The following ANGPTL6 variants were observed in gnomAD, a reference collection of about 807,000 sequenced individuals.
ANGPTL6 encodes angiopoietin-related protein 6.
A neutral mutation model predicts 47.4 loss-of-function variants in ANGPTL6; 45 were observed. The ratio of observed to expected loss-of-function variants is 0.95; its 90% CI spans 0.75 to 1.22. The LOEUF is 1.22. Ranked by LOEUF, ANGPTL6 falls within the 50% of genes most tolerant of loss-of-function variation. ANGPTL6 has a pLI of 0.00. For missense variants in ANGPTL6, 698 were observed against 669.4 expected (o/e 1.04, Z -0.47); for synonymous variants, 290 against 295.9 (o/e 0.98, Z 0.20).
chr19:10,100,739 G>T (rs549294333), intron 1 of ANGPTL6, among the ~76,000 whole-genome samples: 3 of 152,218 alleles, frequency 2.0e-5, no homozygotes, highest in Non-Finnish European at 4.4e-5. Flanking sequence ...CAAGTTGGGA[G>T]AACAGAGAAA....
upstream of ANGPTL6, among the ~76,000 whole-genome samples, chr19:10,103,337 G>A (rs993565477): frequency 4.6e-5 from 7 of 151,746 alleles, no homozygotes; most frequent in African/African-American, 1.7e-4. Flanking sequence ...ATGCCTGAAA[G>A]CCAGCACTTT....
intron 2 of ANGPTL6, 120 bp downstream of exon 2, chr19:10,095,862 G>A: frequency 1.7e-6 from 1 of 574,048 alleles, no homozygotes; most frequent in Non-Finnish European, 2.6e-6. Context: ...ACCAGAAGGG[G>A]CGAGTAGGAA....
In ANGPTL6 at chr19:10,093,431, G is replaced by T; in HGVS notation, c.1140C>A (p.Tyr380Ter). 2 of 1,614,182 alleles carry T rather than the reference G, an allele frequency of 1.2e-6. No homozygotes were observed. Among genetic ancestry groups the T allele is most frequent in the Non-Finnish European group, 8.5e-7 (1 of 1,180,048 alleles). Residue 380 changes from tyrosine to a stop codon, truncating the protein, a stop_gained, in exon 5 of 6, where the codon TAC (tyrosine) becomes TAA (stop). Coordinates refer to ENST00000253109, the MANE Select transcript of ANGPTL6 (RefSeq NM_031917.3). LOFTEE classifies it high-confidence loss of function. ...SDHYRLRLGQ[Y>*]HGDAGDSLSW... Reference sequence around the variant, plus strand: ...AAAGAGAGTCTCCAGCATCACCATGGTACTGGCCAAGCCGCAGGCGGTAGT... The same window carrying T: ...AAAGAGAGTCTCCAGCATCACCATGTTACTGGCCAAGCCGCAGGCGGTAGT...
intron 2 of ANGPTL6, 123 bp from the exon 3 acceptor site, chr19:10,095,061 G>A (rs1457675682): frequency 1.9e-6 from 2 of 1,033,190 alleles, no homozygotes; most frequent in Non-Finnish European, 2.7e-6. Context: ...CTGGCAGTGG[G>A]GGTGTCCCAG....
At chr19:10,097,132 G>C (rs187334988) in intron 1 of ANGPTL6, among the ~76,000 whole-genome samples, 1 of 152,196 alleles carries the variant, frequency 6.6e-6, no homozygotes, top group African/African-American at 2.4e-5. Flanking sequence ...CAAGGCTTAT[G>C]GGGCCGTTCA....
intron 3 of ANGPTL6, among the ~76,000 whole-genome samples, chr19:10,094,296 G>C (rs544425005): frequency 6.6e-6 from 1 of 152,036 alleles, no homozygotes; most frequent in East Asian, 1.9e-4. Context: ...ACAGGCGCCC[G>C]CCACCACGCC....
At chr19:10,104,234 T>C (rs113683856), upstream of ANGPTL6, among the ~76,000 whole-genome samples, 2,614 of 152,220 alleles carry the variant, frequency 0.017, 58 homozygotes, top group Admixed American at 0.06. Flanking sequence ...GATTTGATAA[T>C]TGATCTGATA....
At position 10,093,435 on chromosome 19, in the gene ANGPTL6, T is replaced by G. The variant is rs1349248825; in HGVS notation, c.1136A>C (p.Gln379Pro). 1 of 1,614,182 alleles carries G rather than the reference T, an allele frequency of 6.2e-7. No individual in the cohort carries two copies. Among genetic ancestry groups the G allele is most frequent in the South Asian group, 1.1e-5 (1 of 91,082 alleles). ...ESDHYRLRLGQYHGDAGDSLS... is the reference protein window; with the variant it reads ...ESDHYRLRLGPYHGDAGDSLS... The stretch of plus-strand genomic sequence containing the variant: ...AGAGTCTCCAGCATCACCATGGTAC[T>G]GGCCAAGCCGCAGGCGGTAGTGGTC... The change falls in exon 5 of 6, where the codon CAG (glutamine) becomes CCG (proline). Residue 379 changes from glutamine (Q) to proline (P), a missense_variant. By Grantham distance (76) the Gln-to-Pro change is moderately conservative. Transcript: ENST00000253109.
In ANGPTL6 at chr19:10,096,014, G is replaced by A. The variant is rs1599286046; in HGVS notation, c.550C>T (p.Leu184=). The change falls in exon 2 of 6, where the codon CTG becomes TTG. Residue 184 remains leucine, a synonymous_variant. Coordinates refer to ENST00000253109, the MANE Select transcript of ANGPTL6 (RefSeq NM_031917.3). ...QSSLIARLER[L]CPGGAGGQQQ... ...TGCCCGCCCGCGCCTCCCGGGCACAGGCGCTCCAGGCGGGCGATGAGACTG... is the reference window on the plus strand; with the variant it reads ...TGCCCGCCCGCGCCTCCCGGGCACAAGCGCTCCAGGCGGGCGATGAGACTG... 25 of 1,364,656 alleles carry A rather than the reference G, an allele frequency of 1.8e-5. No homozygotes were observed. Among genetic ancestry groups the A allele is most frequent in the East Asian group, 1.4e-4 (5 of 35,588 alleles). 84.5% of individuals were successfully genotyped at this position (1,364,656 alleles called of 1,614,324 possible). A position where few individuals can be genotyped will look rare whatever the true frequency, so the allele number is the denominator to read the frequency against.
Position 10,098,121 on chromosome 19 carries a change from C to A in ANGPTL6, c.-10-1548G>T, listed in dbSNP as rs374316742. Among the ~76,000 whole-genome samples the A allele has an allele frequency of 9.9e-5, 15 of 152,084 alleles. No individual in the cohort carries two copies. The South Asian group carries it at 2.1e-3, about 21-fold the overall frequency. Reference sequence around the variant, plus strand: ...TGCCTAGGCTGGTCTCCCCTGGCCTCAAGTGATCCACCTCTGCCTCCCAAA... The same window carrying A: ...TGCCTAGGCTGGTCTCCCCTGGCCTAAAGTGATCCACCTCTGCCTCCCAAA... On this transcript the variant is annotated intron_variant, in intron 1 of 5. Transcript: ENST00000253109.
chr19:10,092,877 C>A, intron 5 of ANGPTL6, 98 bp from the exon 6 acceptor site: 1 of 1,027,876 alleles, frequency 9.7e-7, no homozygotes, highest in Non-Finnish European at 1.4e-6. Context: ...CCTGGCCCCT[C>A]CCATTCTTAT....
At position 10,096,584 on chromosome 19, in the gene ANGPTL6, A is replaced by T. The variant is rs1205730962; in HGVS notation, c.-10-11T>A. 1 of 1,479,550 alleles carries T rather than the reference A, an allele frequency of 6.8e-7. No homozygotes were observed. The highest frequency in any genetic ancestry group is 2.4e-5 in the Admixed American group (1 of 41,954). 91.7% of individuals were successfully genotyped at this position (1,479,550 alleles called of 1,614,324 possible). A position where few individuals can be genotyped will look rare whatever the true frequency, so the allele number is the denominator to read the frequency against. On this transcript the variant is annotated splice_polypyrimidine_tract_variant and intron_variant, in intron 1 of 5. Transcript: ENST00000253109. ...CCCATCGCGGCGGACCTGCAGGCAGAGGAGGAACGGAAGGAAGACGGGGTG... is the reference window on the plus strand; with the variant it reads ...CCCATCGCGGCGGACCTGCAGGCAGTGGAGGAACGGAAGGAAGACGGGGTG...
chr19:10,096,643 G>T, intron 1 of ANGPTL6, 70 bp from the exon 2 acceptor site: 2 of 1,210,966 alleles, frequency 1.7e-6, no homozygotes, highest in South Asian at 1.7e-5. Context: ...GCTTCCACGC[G>T]GGGATGCGCG....
At position 10,093,833 on chromosome 19, in the gene ANGPTL6, T is replaced by G. The variant is rs1157913165; in HGVS notation, c.811A>C (p.Ser271Arg). ...AEARQAGHEQ[S>R]GVYELRVGRH... Reference sequence around the variant, plus strand: ...CCCACTCGCAGTTCATACACTCCACTCTGTTCATGGCCTGCCTGGCGGGCC... The same window carrying G: ...CCCACTCGCAGTTCATACACTCCACGCTGTTCATGGCCTGCCTGGCGGGCC... Residue 271 changes from serine to arginine, a missense_variant, in exon 4 of 6, where the codon AGT becomes CGT. Physicochemically the swap from Ser to Arg is moderately radical, Grantham distance 110. Coordinates refer to ENST00000253109, the MANE Select transcript of ANGPTL6 (RefSeq NM_031917.3). The G allele has an allele frequency of 1.2e-6, 2 of 1,612,786 alleles. No individual in the cohort carries two copies. The highest frequency in any genetic ancestry group is 1.7e-6 in the Non-Finnish European group (2 of 1,180,028).
chr19:10,096,165 G>A lies in ANGPTL6; in HGVS notation c.399C>T (p.Ala133=), dbSNP rs1056566248. 22 of 1,309,414 alleles carry A rather than the reference G, an allele frequency of 1.7e-5. No individual in the cohort carries two copies. Among genetic ancestry groups the A allele is most frequent in the East Asian group, 3.1e-5 (1 of 32,002 alleles). The allele number at this position is 1,309,414 out of a possible 1,614,324, so 81.1% of individuals were successfully genotyped here. A position where few individuals can be genotyped will look rare whatever the true frequency, so the allele number is the denominator to read the frequency against. ...GCTCCCCGAGCAGCGCCAGCGCCGC[G>A]GCAGGCTCCGCCCCCAGATCCGCCC... is the stretch of plus-strand genomic sequence containing the variant. ...GPGADLGAEP[A]AALALLGERV... is the part of the protein sequence containing the mutation. Residue 133 remains alanine, a synonymous_variant, in exon 2 of 6, where the codon GCC becomes GCT. Coordinates refer to ENST00000253109, the MANE Select transcript of ANGPTL6 (RefSeq NM_031917.3).
intron 1 of ANGPTL6, among the ~76,000 whole-genome samples, chr19:10,099,473 A>G (rs915598603): frequency 6.9e-6 from 1 of 144,830 alleles, no homozygotes; most frequent in South Asian, 2.3e-4. Context: ...GCTACTCGGG[A>G]GGCTGAGGCA....
At chr19:10,094,114 C>A (rs974861097) in intron 3 of ANGPTL6, among the ~76,000 whole-genome samples, 1 of 152,160 alleles carries the variant, frequency 6.6e-6, no homozygotes, top group African/African-American at 2.4e-5. Context: ...GAATCTGGGT[C>A]CCTTGTCTCT....
intron 1 of ANGPTL6, among the ~76,000 whole-genome samples, chr19:10,097,238 TATACAAAAA>T (rs2088570128): frequency 6.6e-6 from 1 of 152,092 alleles, no homozygotes; most frequent in Non-Finnish European, 1.5e-5. Context: ...AGACCCTGTC[TATACAAAAA>T]ATACAAAAAT....
intron 1 of ANGPTL6, among the ~76,000 whole-genome samples, chr19:10,099,167 A>C (rs2088616557): frequency 6.6e-6 from 1 of 152,148 alleles, no homozygotes; most frequent in Non-Finnish European, 1.5e-5. Flanking sequence ...CTCTGACAGC[A>C]GCCAGAGGGC....
Sources: gnomAD v4.1 joint callset for allele counts (sites outside exome capture counted in the v4.1 genomes callset) on GRCh38, gnomAD v4.1.1 for gene constraint, MANE v1.5 for transcripts, NCBI Gene and HGNC (gene_info 2026-07-23, HGNC 2026-07-21) for gene names.